Variants in TEP1 observed in about 807,000 individuals in gnomAD.
TEP1 encodes the protein telomerase associated protein 1.
A neutral mutation model predicts 306.3 loss-of-function variants in TEP1; 241 were observed. That is an observed-to-expected ratio of 0.79 (90% CI 0.71 to 0.88). The LOEUF is 0.88. Ranked by LOEUF, TEP1 falls within the 40% of genes least tolerant of loss-of-function variation. The pLI, the probability that TEP1 is intolerant of heterozygous loss-of-function variation, is 0.00. For synonymous variants in TEP1, 1,289 were observed against 1,305.5 expected (o/e 0.99, Z 0.27); for missense variants, 3,051 against 3,276.1 (o/e 0.93, Z 1.68).
chr14:20,407,377 G>A (rs183131971), intron 2 of TEP1, among the ~76,000 whole-genome samples: 14 of 152,208 alleles, frequency 9.2e-5, no homozygotes, highest in Admixed American at 7.2e-4. Flanking sequence ...TCATTTTTTT[G>A]AGACACAGTC....
chr14:20,373,385 G>C lies in TEP1; in HGVS notation c.6699C>G (p.Thr2233=). Residue 2233 remains threonine, a synonymous_variant, in exon 47 of 55, where the codon ACC becomes ACG. Coordinates refer to ENST00000262715, the MANE Select transcript of TEP1 (RefSeq NM_007110.5). ...GGACTGGGCCGCTGTGTCCCAGGAG[G>C]GTGTGGGTTTGGCACACCTAGGAGG... The part of the protein sequence containing the change: ...WHPLLVCQTH[T]LLGHSGPVRA... The C allele has an allele frequency of 6.2e-7, 1 of 1,614,146 alleles. No individual in the cohort carries two copies. The highest frequency in any genetic ancestry group is 8.5e-7 in the Non-Finnish European group (1 of 1,180,022).
At chr14:20,413,215 G>A (rs1358004752) in intron 1 of TEP1, among the ~76,000 whole-genome samples, 190 bp downstream of exon 1, 2 of 151,734 alleles carry the variant, frequency 1.3e-5, no homozygotes, top group East Asian at 1.9e-4. Flanking sequence ...TCCCCTTCCC[G>A]GAGCCGCCGG....
chr14:20,411,333 G>A (rs1054577630), intron 1 of TEP1, among the ~76,000 whole-genome samples: 5 of 151,796 alleles, frequency 3.3e-5, no homozygotes, highest in Non-Finnish European at 7.4e-5. Context: ...TCTTGACTAC[G>A]GGCCTGTGCA....
chr14:20,379,942 C>A lies in TEP1; in HGVS notation c.5115G>T (p.Leu1705=). Residue 1705 remains leucine, a synonymous_variant, in exon 35 of 55, where the codon CTG becomes CTT. Transcript: ENST00000262715. ...TTGATTGTCATACCTGCCAAGTTCTCAGGTCCAACAGGTAAACTGTCCCAT... is the reference window on the plus strand; with the variant it reads ...TTGATTGTCATACCTGCCAAGTTCTAAGGTCCAACAGGTAAACTGTCCCAT... ...TANGTVYLLD[L]RTWQEEKSVV... 1 of 1,611,038 alleles carries A rather than the reference C, an allele frequency of 6.2e-7. No individual in the cohort carries two copies.
Position 20,396,715 on chromosome 14 carries a change from G to A in TEP1, c.1565C>T (p.Pro522Leu). The change falls in exon 10 of 55, where the codon CCC becomes CTC. Residue 522 changes from proline (P) to leucine (L), a missense_variant. This residue lies in a region of TEP1 where 1,507 missense variants were observed against 1,550.5 expected (regional missense o/e 0.97). Coordinates refer to ENST00000262715, the MANE Select transcript of TEP1 (RefSeq NM_007110.5). ...WEELIENGKL[P>L]FMAMLRNLCN... is the part of the protein sequence containing the mutation. ...CAGGTTCCGAAGCATGGCCATGAAG[G>A]GAAGCTTCCCATTTTCTGTGGAATG... 1 of 1,607,024 alleles carries A rather than the reference G, an allele frequency of 6.2e-7. No individual in the cohort carries two copies. Among genetic ancestry groups the A allele is most frequent in the Non-Finnish European group, 8.5e-7 (1 of 1,174,882 alleles).
chr14:20,381,162 A>C lies in TEP1; in HGVS notation c.4648-117T>G. 8.2e-7 allele frequency: 1 copy of C among 1,216,570 alleles called. No homozygotes were observed. Among genetic ancestry groups the C allele is most frequent in the East Asian group, 2.3e-5 (1 of 42,868 alleles). 75.4% of individuals were successfully genotyped at this position (1,216,570 alleles called of 1,614,324 possible). ...TGAGCTGGGACAAAGGACTTGAAGA[A>C]GAAGGGCAGGAAAACTGAAAGGAAA... On this transcript the variant is annotated intron_variant, in intron 32 of 54. Coordinates refer to ENST00000262715, the MANE Select transcript of TEP1 (RefSeq NM_007110.5). The surrounding 1 kb of genome is among the most constrained non-coding windows in gnomAD (Gnocchi z 4.0).
In TEP1 at chr14:20,394,788, C is replaced by T. The variant is rs115205401; in HGVS notation, c.1928+662G>A. Among the ~76,000 whole-genome samples, 1,364 of 152,300 alleles carry T rather than the reference C, an allele frequency of 9.0e-3. 19 individuals are homozygous for T. Among genetic ancestry groups the T allele is most frequent in the African/African-American group, 0.031 (1,292 of 41,548 alleles). ...GGATTACAGGCGTGAGCCACCACACCCAGCCAGGCTTGATTCTTAAATGGC... is the reference window on the plus strand; with the variant it reads ...GGATTACAGGCGTGAGCCACCACACTCAGCCAGGCTTGATTCTTAAATGGC... On this transcript the variant is annotated intron_variant, in intron 12 of 54. Coordinates refer to ENST00000262715, the MANE Select transcript of TEP1 (RefSeq NM_007110.5).
chr14:20,402,651 A>C (rs903447400), intron 7 of TEP1, among the ~76,000 whole-genome samples: 1 of 152,200 alleles, frequency 6.6e-6, no homozygotes, highest in Non-Finnish European at 1.5e-5. Flanking sequence ...TCATTTGACC[A>C]ATGTCTCATA....
In TEP1 at chr14:20,410,020, C is replaced by CAAAAAAAAAAAAA. The variant is rs570672845; in HGVS notation, c.-24-1570_-24-1558dup. Among the ~76,000 whole-genome samples the CAAAAAAAAAAAAA allele has an allele frequency of 6.3e-4, 37 of 58,952 alleles. 1 individual carries two copies. Among genetic ancestry groups the CAAAAAAAAAAAAA allele is most frequent in the South Asian group, 7.6e-4 (1 of 1,312 alleles). The allele number at this position is 58,952 out of a possible 152,430, so 38.7% of individuals were successfully genotyped here. A position where few individuals can be genotyped will look rare whatever the true frequency, so the allele number is the denominator to read the frequency against. On this transcript the variant is annotated intron_variant, in intron 1 of 54. Coordinates refer to ENST00000262715, the MANE Select transcript of TEP1 (RefSeq NM_007110.5). The stretch of plus-strand genomic sequence containing the variant: ...TGGGCGACAGAGCAAGACTCTGTCT[C>CAAAAAAAAAAAAA]AAAAAAAAAAAAAAAAAAAAAAAAA...
chr14:20,401,622 C>T (rs762633808), intron 7 of TEP1, 41 bp from the exon 8 acceptor site: 2 of 1,608,012 alleles, frequency 1.2e-6, no homozygotes, highest in African/African-American at 1.3e-5. Context: ...TCCTTTCATC[C>T]ATGACCATGG....
At chr14:20,402,201 G>C (rs556829002) in intron 7 of TEP1, among the ~76,000 whole-genome samples, 3 of 152,104 alleles carry the variant, frequency 2.0e-5, no homozygotes, top group Admixed American at 1.3e-4. Context: ...CCAGCTACTC[G>C]GGAGGCTGAG....
chr14:20,374,970 A>G (rs948660550), intron 43 of TEP1, among the ~76,000 whole-genome samples: 1 of 151,984 alleles, frequency 6.6e-6, no homozygotes, highest in Non-Finnish European at 1.5e-5. Flanking sequence ...AGGTGCCTAT[A>G]ATCTCAGCTA....
intron 43 of TEP1, 55 bp downstream of exon 43, chr14:20,375,700 T>C (rs956634378): frequency 1.4e-4 from 167 of 1,173,204 alleles, no homozygotes; most frequent in Admixed American, 1.0e-4. Flanking sequence ...TGGGGAGTGT[T>C]GTCTTGCCCC....
chr14:20,380,885 G>T (rs1172431639), intron 33 of TEP1, 46 bp downstream of exon 33: 2 of 1,518,288 alleles, frequency 1.3e-6, no homozygotes, highest in East Asian at 4.5e-5. Context: ...AGCACACCCA[G>T]GAGTCCCATA....
At chr14:20,380,608 C>T in intron 33 of TEP1, 133 bp from the exon 34 acceptor site, 2 of 1,371,852 alleles carry the variant, frequency 1.5e-6, no homozygotes, top group Non-Finnish European at 1.9e-6. Flanking sequence ...TCAGGAATAT[C>T]TCTTAAAAGT....
intron 9 of TEP1, among the ~76,000 whole-genome samples, chr14:20,399,330 G>A (rs938892): frequency 0.21 from 31,976 of 151,894 alleles, 4,832 homozygotes; most frequent in African/African-American, 0.41. Context: ...ATCATTTTCG[G>A]TAAGAAATTA....
intron 48 of TEP1, 29 bp downstream of exon 48, chr14:20,372,982 G>GAC (rs1446127032): frequency 6.2e-7 from 1 of 1,614,002 alleles, no homozygotes; most frequent in Admixed American, 1.7e-5. Context: ...AATTCACACA[G>GAC]ACAAAGAACC....
chr14:20,393,516 G>C (rs952889345), intron 12 of TEP1, among the ~76,000 whole-genome samples: 1 of 152,176 alleles, frequency 6.6e-6, no homozygotes, highest in African/African-American at 2.4e-5. Flanking sequence ...GACAAGACAG[G>C]CATGGTGGCT....
chr14:20,395,893 G>A lies in TEP1; in HGVS notation c.1716C>T (p.Ala572=). Residue 572 remains alanine (A), a synonymous_variant, in exon 11 of 55, where the codon GCC becomes GCT. Coordinates refer to ENST00000262715, the MANE Select transcript of TEP1 (RefSeq NM_007110.5). ...FPFRFLNAHD[A]IDALEAQLRN... ...TGAGTTGAGCCTCGAGGGCATCAATGGCATCATGGGCGTTAAGAAATCTGA... is the reference window on the plus strand; with the variant it reads ...TGAGTTGAGCCTCGAGGGCATCAATAGCATCATGGGCGTTAAGAAATCTGA... The A allele has an allele frequency of 7.4e-6, 12 of 1,614,096 alleles. No homozygotes were observed. Among genetic ancestry groups the A allele is most frequent in the Non-Finnish European group, 1.0e-5 (12 of 1,179,992 alleles).
Sources: allele counts gnomAD v4.1 joint callset (sites outside exome capture counted in the v4.1 genomes callset), GRCh38; gene constraint gnomAD v4.1.1; regional missense constraint gnomAD v4.1.1; non-coding constraint Gnocchi (gnomAD v3.1); transcripts MANE v1.5; gene names NCBI Gene and HGNC (gene_info 2026-07-23, HGNC 2026-07-21).